The following KYNU variants were observed in gnomAD, a reference collection of about 807,000 sequenced individuals.
KYNU encodes the protein L-kynurenine hydrolase.
A neutral mutation model predicts 59.2 loss-of-function variants in KYNU; 54 were observed. That is an observed-to-expected ratio of 0.91 (90% CI 0.73 to 1.14). The LOEUF is 1.14. Ranked by LOEUF, KYNU falls within the 50% of genes most tolerant of loss-of-function variation. KYNU has a pLI of 0.00. For synonymous variants in KYNU, 177 were observed against 192.0 expected (o/e 0.92, Z 0.65); for missense variants, 567 against 554.4 (o/e 1.02, Z -0.23).
chr2:142,900,191 T>C (rs4662307), intron 2 of KYNU, among the ~76,000 whole-genome samples: 85,075 of 152,032 alleles, frequency 0.56, 24,847 homozygotes, highest in African/African-American at 0.71. Context: ...GCCTTTAGCC[T>C]GATCAGGAGT....
At chr2:142,901,878 A>G (rs1682101907) in intron 2 of KYNU, among the ~76,000 whole-genome samples, 1 of 152,194 alleles carries the variant, frequency 6.6e-6, no homozygotes, top group Non-Finnish European at 1.5e-5. Flanking sequence ...GGGATTAGTC[A>G]AGGGAACCTC....
chr2:142,916,251 G>C (rs2104985644), intron 2 of KYNU, among the ~76,000 whole-genome samples: 1 of 152,232 alleles, frequency 6.6e-6, no homozygotes, highest in East Asian at 1.9e-4. Flanking sequence ...GGCTGATAGG[G>C]GGAACTGATG....
intron 4 of KYNU, among the ~76,000 whole-genome samples, chr2:142,939,297 C>A (rs1333763574): frequency 6.6e-6 from 1 of 152,088 alleles, no homozygotes; most frequent in African/African-American, 2.4e-5. Flanking sequence ...AGAATATCAA[C>A]TTCTAGTTTA....
chr2:142,938,118 C>T (rs1683457341), intron 4 of KYNU, among the ~76,000 whole-genome samples: 1 of 152,124 alleles, frequency 6.6e-6, no homozygotes, highest in Non-Finnish European at 1.5e-5. Context: ...AAAACAAAAC[C>T]TAGTCTGTTC....
chr2:142,922,178 T>C (rs1358501474), intron 3 of KYNU, among the ~76,000 whole-genome samples: 1 of 152,128 alleles, frequency 6.6e-6, no homozygotes, highest in East Asian at 1.9e-4. Flanking sequence ...TTGAAAGTAG[T>C]TGCTTAGTTG....
At chr2:142,987,774 G>T (rs1175033282) in intron 10 of KYNU, among the ~76,000 whole-genome samples, 2 of 151,940 alleles carry the variant, frequency 1.3e-5, no homozygotes, top group East Asian at 3.9e-4. Context: ...CAAATCTCAT[G>T]TAGAATTGTA....
intron 8 of KYNU, among the ~76,000 whole-genome samples, chr2:142,976,005 G>A (rs932560142): frequency 2.0e-5 from 3 of 152,192 alleles, no homozygotes; most frequent in African/African-American, 7.2e-5. Context: ...GACTAGCTGG[G>A]GCTCGTCATG....
chr2:142,998,778 G>A (rs549087763), intron 10 of KYNU, among the ~76,000 whole-genome samples: 6 of 152,144 alleles, frequency 3.9e-5, no homozygotes, highest in Admixed American at 3.9e-4. Context: ...GGAGGTTGAG[G>A]AGGGCAGATC....
chr2:142,986,752 G>T (rs1468176270), intron 10 of KYNU, among the ~76,000 whole-genome samples: 1 of 151,610 alleles, frequency 6.6e-6, no homozygotes, highest in East Asian at 1.9e-4. Flanking sequence ...TGTTGTATTG[G>T]AGTATGTGTG....
chr2:142,879,587 C>T (rs543453884), intron 1 of KYNU: 5 of 152,424 alleles, frequency 3.3e-5, no homozygotes, highest in Admixed American at 6.5e-5. Flanking sequence ...TTCAAGGCTT[C>T]GAGGAGGAAT....
chr2:142,988,024 G>T (rs1244934189), intron 10 of KYNU, among the ~76,000 whole-genome samples: 1 of 151,826 alleles, frequency 6.6e-6, no homozygotes, highest in Non-Finnish European at 1.5e-5. Flanking sequence ...TGCACAGCCT[G>T]CAAAACCATG....
At chr2:142,919,952 A>G (rs1682818470) in intron 3 of KYNU, among the ~76,000 whole-genome samples, 1 of 152,088 alleles carries the variant, frequency 6.6e-6, no homozygotes, top group Non-Finnish European at 1.5e-5. Flanking sequence ...AGTGCCTGTA[A>G]TCTCAGCTAT....
chr2:142,960,801 A>G (rs777442725), intron 8 of KYNU, 31 bp downstream of exon 8: 3 of 1,608,686 alleles, frequency 1.9e-6, no homozygotes, highest in Non-Finnish European at 2.6e-6. Flanking sequence ...TTCCCACCTT[A>G]CTCCAAACAT....
At chr2:142,911,054 T>C (rs75918693) in intron 2 of KYNU, among the ~76,000 whole-genome samples, 2,712 of 152,278 alleles carry the variant, frequency 0.018, 72 homozygotes, top group African/African-American at 0.063. Context: ...AGGCTCTTTA[T>C]TGGTCACATA....
chr2:142,888,391 A>G (rs1681588511), intron 2 of KYNU, among the ~76,000 whole-genome samples: 1 of 152,144 alleles, frequency 6.6e-6, no homozygotes, highest in Non-Finnish European at 1.5e-5. Flanking sequence ...CCAGTAGTTC[A>G]AGGCTGCAGT....
rs779681494 is a variant in KYNU at position 143,033,268 on chromosome 2, C to T, written c.988C>T (p.Arg330Ter). 8.7e-6 allele frequency: 14 copies of T among 1,613,722 alleles called. No homozygotes were observed. Among genetic ancestry groups the T allele is most frequent in the African/African-American group, 2.7e-5 (2 of 75,016 alleles). The change falls in exon 12 of 14, where the codon CGA becomes TGA. Residue 330 changes from arginine to a stop codon, truncating the protein, a stop_gained. Coordinates refer to ENST00000264170, the MANE Select transcript of KYNU (RefSeq NM_003937.3). LOFTEE classifies it high-confidence loss of function. ...LQLIPGVCGFRISNPPILLVC... is the reference protein window; with the variant it reads ...LQLIPGVCGF The stretch of plus-strand genomic sequence containing the variant: ...GTTAATCCCTGGGGTCTGTGGATTC[C>T]GAATTTCAAATCCTCCCATTTTGTT...
intron 7 of KYNU, among the ~76,000 whole-genome samples, chr2:142,960,391 G>A (rs144165607): frequency 1.8e-4 from 28 of 151,926 alleles, no homozygotes; most frequent in East Asian, 3.9e-4. Flanking sequence ...CAAGCAATTC[G>A]GCTTTTGAAG....
intron 4 of KYNU, among the ~76,000 whole-genome samples, chr2:142,938,755 TAAA>T (rs199770277): frequency 1.3e-5 from 2 of 151,988 alleles, no homozygotes; most frequent in African/African-American, 4.8e-5. Flanking sequence ...GAAAATTTTT[TAAA>T]AAAAGAAAAA....
intron 10 of KYNU, among the ~76,000 whole-genome samples, chr2:143,014,443 G>A (rs1686196836): frequency 6.6e-6 from 1 of 152,126 alleles, no homozygotes; most frequent in South Asian, 2.1e-4. Context: ...TTTTATATGT[G>A]CTGTTTCTGG....
Sources: gnomAD v4.1 joint callset for allele counts (sites outside exome capture counted in the v4.1 genomes callset) on GRCh38, gnomAD v4.1.1 for gene constraint, MANE v1.5 for transcripts, NCBI Gene and HGNC (gene_info 2026-07-23, HGNC 2026-07-21) for gene names.